Variants in ITGA9 observed in about 807,000 individuals in gnomAD.
ITGA9 encodes the protein integrin subunit alpha 9, also known as integrin alpha-9.
A neutral mutation model predicts 127.8 loss-of-function variants in ITGA9; 56 were observed. The ratio of observed to expected loss-of-function variants is 0.44; its 90% CI spans 0.35 to 0.55. ITGA9 has a LOEUF of 0.55. Ranked by LOEUF, ITGA9 falls within the 20% of genes least tolerant of loss-of-function variation. The pLI is 0.00. For missense variants in ITGA9, 1,196 were observed against 1,347.1 expected, an observed-to-expected ratio of 0.89 and a Z score of 1.76; for synonymous variants, 508 against 514.5, an observed-to-expected ratio of 0.99 and a Z score of 0.17.
intron 15 of ITGA9, among the ~76,000 whole-genome samples, chr3:37,601,192 G>C (rs1559546292): frequency 6.6e-6 from 1 of 152,158 alleles, no homozygotes; most frequent in African/African-American, 2.4e-5. Flanking sequence ...GGGAACAGTG[G>C]TTCCTTTCTT....
chr3:37,596,648 T>C (rs1699873487), intron 15 of ITGA9, among the ~76,000 whole-genome samples: 1 of 152,024 alleles, frequency 6.6e-6, no homozygotes, highest in African/African-American at 2.4e-5. Context: ...CTAGGAGCTA[T>C]TTAAAAGGGG....
chr3:37,618,991 C>T (rs779719831), intron 15 of ITGA9, among the ~76,000 whole-genome samples: 182 of 152,254 alleles, frequency 1.2e-3, no homozygotes, highest in Non-Finnish European at 2.2e-3. Context: ...TCTGACACTC[C>T]CCAGTGAGGT....
At chr3:37,802,387 C>T (rs1473420537) in intron 26 of ITGA9, among the ~76,000 whole-genome samples, 3 of 152,074 alleles carry the variant, frequency 2.0e-5, no homozygotes, top group Non-Finnish European at 2.9e-5. Flanking sequence ...TGGGCTTCAG[C>T]GATCAGTGAG....
intron 18 of ITGA9, among the ~76,000 whole-genome samples, chr3:37,696,952 G>A (rs533685739): frequency 6.6e-5 from 10 of 152,274 alleles, no homozygotes; most frequent in Admixed American, 3.9e-4. Context: ...TAACAAGATC[G>A]TTGGGTATCT....
intron 15 of ITGA9, among the ~76,000 whole-genome samples, chr3:37,581,800 G>A (rs1238608948): frequency 6.6e-6 from 1 of 152,202 alleles, no homozygotes; most frequent in East Asian, 1.9e-4. Context: ...CTTTGGAACT[G>A]AGCAGCATTC....
chr3:37,651,983 C>T (rs1025080359), intron 16 of ITGA9, among the ~76,000 whole-genome samples: 3 of 152,178 alleles, frequency 2.0e-5, no homozygotes, highest in African/African-American at 7.2e-5. Context: ...ACCTCTACCC[C>T]TTCACCTCTC....
At chr3:37,470,771 T>A (rs1304274076) in intron 1 of ITGA9, among the ~76,000 whole-genome samples, 1 of 152,196 alleles carries the variant, frequency 6.6e-6, no homozygotes, top group Non-Finnish European at 1.5e-5. Context: ...CTCAAAATGC[T>A]AGGATTACAG....
chr3:37,572,149 T>C (rs9790158), intron 15 of ITGA9, among the ~76,000 whole-genome samples: 88,933 of 151,704 alleles, frequency 0.59, 26,621 homozygotes, highest in East Asian at 0.76. Context: ...TGAGGATGGA[T>C]GCGTGTCATT....
intron 16 of ITGA9, among the ~76,000 whole-genome samples, chr3:37,633,377 C>T (rs1290838871): frequency 6.6e-6 from 1 of 152,130 alleles, no homozygotes; most frequent in Non-Finnish European, 1.5e-5. Context: ...GTATTTAATA[C>T]ACCTAACCTG....
chr3:37,767,950 T>C (rs1001557061), intron 23 of ITGA9, among the ~76,000 whole-genome samples: 1 of 152,220 alleles, frequency 6.6e-6, no homozygotes, highest in African/African-American at 2.4e-5. Flanking sequence ...TCATTATTGC[T>C]GTTTCTCTGG....
intron 26 of ITGA9, among the ~76,000 whole-genome samples, chr3:37,798,387 T>C (rs905633036): frequency 6.6e-6 from 1 of 152,210 alleles, no homozygotes; most frequent in African/African-American, 2.4e-5. Flanking sequence ...TGATTACATA[T>C]CCTTTCAGTG....
At chr3:37,480,784 G>A (rs551745071) in intron 3 of ITGA9, among the ~76,000 whole-genome samples, 2 of 151,998 alleles carry the variant, frequency 1.3e-5, no homozygotes, top group Non-Finnish European at 2.9e-5. Flanking sequence ...AGCCACCCCC[G>A]TCGCCCATCT....
chr3:37,533,293 C>T (rs373327680), intron 13 of ITGA9, 21 bp from the exon 14 acceptor site: 1 of 1,613,772 alleles, frequency 6.2e-7, no homozygotes, highest in Non-Finnish European at 8.5e-7. Context: ...GACTAAGTCA[C>T]CTTCCTCTCT....
chr3:37,682,490 G>C (rs1208169217), intron 17 of ITGA9, among the ~76,000 whole-genome samples: 2 of 152,154 alleles, frequency 1.3e-5, no homozygotes, highest in African/African-American at 4.8e-5. Flanking sequence ...CTTGTTGGCT[G>C]ACACCTCCTC....
At chr3:37,725,559 A>G (rs933610355) in intron 18 of ITGA9, among the ~76,000 whole-genome samples, 3 of 152,214 alleles carry the variant, frequency 2.0e-5, no homozygotes, top group Admixed American at 6.5e-5. Flanking sequence ...TGCCCGGCTC[A>G]CATCCTGGCT....
At chr3:37,586,970 C>T (rs1053308701) in intron 15 of ITGA9, among the ~76,000 whole-genome samples, 1 of 152,148 alleles carries the variant, frequency 6.6e-6, no homozygotes, top group Non-Finnish European at 1.5e-5. Flanking sequence ...AGCCCAAGGA[C>T]TTGGAGGGAT....
intron 22 of ITGA9, chr3:37,745,651 A>C (rs1187265679): frequency 6.6e-6 from 1 of 152,248 alleles, no homozygotes; most frequent in Non-Finnish European, 1.5e-5. Flanking sequence ...TGTTGAAAGA[A>C]GGAAAAGAAG....
At chr3:37,482,305 G>A (rs568540886) in intron 4 of ITGA9, among the ~76,000 whole-genome samples, 2 of 152,352 alleles carry the variant, frequency 1.3e-5, no homozygotes, top group South Asian at 4.1e-4. Context: ...CACTTGGAAG[G>A]AAAATGTATC....
intron 13 of ITGA9, among the ~76,000 whole-genome samples, chr3:37,526,962 C>T (rs796980295): frequency 2.1e-4 from 32 of 152,244 alleles, no homozygotes; most frequent in South Asian, 1.0e-3. Context: ...CAGCTTGCCC[C>T]GGGTAACATT....
Sources: gnomAD v4.1 joint callset for allele counts (sites outside exome capture counted in the v4.1 genomes callset) on GRCh38, gnomAD v4.1.1 for gene constraint, MANE v1.5 for transcripts, NCBI Gene and HGNC (gene_info 2026-07-23, HGNC 2026-07-21) for gene names.